Variants in TRIML2 observed in about 807,000 individuals in gnomAD.
The protein encoded by TRIML2 is probable E3 ubiquitin-protein ligase TRIML2.
In TRIML2, 28 loss-of-function variants were observed where a neutral mutation model predicts 31.2. The observed-to-expected ratio is 0.90, with a 90% CI of 0.66 to 1.23. The LOEUF (loss-of-function observed/expected upper bound fraction) is 1.23. TRIML2 is among the 50% of genes most tolerant of loss of function. TRIML2 has a pLI of 0.00. For missense variants in TRIML2, 536 were observed against 528.3 expected (o/e 1.01, Z -0.14); for synonymous variants, 187 against 197.5 (o/e 0.95, Z 0.45).
At chr4:188,094,713 G>A (rs1320346478) in intron 7 of TRIML2, among the ~76,000 whole-genome samples, 2 of 152,154 alleles carry the variant, frequency 1.3e-5, no homozygotes, top group Non-Finnish European at 2.9e-5. Flanking sequence ...TCCCCAAACT[G>A]ATCAACGGAT....
At chr4:188,097,985 G>A (rs1052450553) in intron 5 of TRIML2, among the ~76,000 whole-genome samples, 2 of 152,012 alleles carry the variant, frequency 1.3e-5, no homozygotes, top group African/African-American at 4.8e-5. Context: ...AGCTGGACAT[G>A]GTGGTGGGCG....
chr4:188,103,702 A>C (rs1474623468), intron 3 of TRIML2, among the ~76,000 whole-genome samples: 1 of 152,188 alleles, frequency 6.6e-6, no homozygotes, highest in African/African-American at 2.4e-5. Flanking sequence ...AACATACTAT[A>C]TATTAAACTT....
intron 4 of TRIML2, among the ~76,000 whole-genome samples, chr4:188,099,675 G>C (rs1388653021): frequency 1.3e-5 from 2 of 151,960 alleles, no homozygotes; most frequent in African/African-American, 4.8e-5. Flanking sequence ...GCTGAAGCAG[G>C]ATTCCTCTCA....
rs529693724 is a variant in TRIML2, at chr4:188,104,930, C to A, written c.192G>T (p.Lys64Asn). ...ATGTGTTCAATATTTCCTGGAATAA[C>A]TTCTATAGAGAAAGCACAGAATTCC... Reference protein sequence around the residue: ...GIQEAAENYRKLFQEILNTSR... With the variant: ...GIQEAAENYRNLFQEILNTSR... Residue 64 changes from lysine to asparagine, a missense_variant and splice_region_variant, in exon 3 of 8, where the codon AAG becomes AAT. By Grantham distance (94) the Lys-to-Asn change is moderately conservative (BLOSUM62 0). Transcript: ENST00000682553. The A allele has an allele frequency of 1.7e-5, 27 of 1,612,774 alleles. No individual in the cohort carries two copies. The highest frequency in any genetic ancestry group is 6.7e-5 in the African/African-American group (5 of 75,018).
At chr4:188,093,024 T>C (rs1733336000) in intron 7 of TRIML2, 1 of 361,526 alleles carries the variant, frequency 2.8e-6, no homozygotes, top group Admixed American at 3.6e-5. Context: ...CATAAACAGC[T>C]AAATACCAGT....
intron 7 of TRIML2, among the ~76,000 whole-genome samples, chr4:188,096,794 C>G (rs568194830): frequency 6.6e-6 from 1 of 151,718 alleles, no homozygotes; most frequent in Non-Finnish European, 1.5e-5. Flanking sequence ...GTAGCAGGGA[C>G]TACAGGCACA....
chr4:188,104,188 C>T (rs1454037791), intron 3 of TRIML2, among the ~76,000 whole-genome samples: 2 of 152,140 alleles, frequency 1.3e-5, no homozygotes, highest in Non-Finnish European at 2.9e-5. Flanking sequence ...TCTTTTTGAT[C>T]ATTGCAAATA....
Position 188,099,170 on chromosome 4 carries a change from C to G in TRIML2, c.486G>C (p.Leu162=), listed in dbSNP as rs1276273538. 21 of 1,604,244 alleles carry G rather than the reference C, an allele frequency of 1.3e-5. No homozygotes were observed. The highest frequency in any genetic ancestry group is 1.7e-5 in the Non-Finnish European group (20 of 1,177,034). The change falls in exon 5 of 8, where the codon CTG becomes CTC. Residue 162 remains leucine (L), a synonymous_variant. Transcript: ENST00000682553. ...CCATGTTCTCTCTCCCCACACGGCC[C>G]AGTCTCTGCAGAAGCATTTCTTCGT... is the stretch of plus-strand genomic sequence containing the variant. ...EEMFQEMLQR[L]GRVGRENMEK...
chr4:188,093,030 CCAGTTGGAAAAAA>C, intron 7 of TRIML2: 1 of 358,086 alleles, frequency 2.8e-6, no homozygotes, highest in African/African-American at 2.1e-5. Flanking sequence ...CAGCTAAATA[CCAGTTGGAAAAAA>C]CACAGGAATT....
intron 1 of TRIML2, chr4:188,106,856 G>A (rs62352742): frequency 0.19 from 47,760 of 257,174 alleles, 4,703 homozygotes; most frequent in African/African-American, 0.23. Context: ...CCGCGGGTGC[G>A]GTACCACCGG....
At chr4:188,107,751 C>A (rs1037892775) in intron 1 of TRIML2, among the ~76,000 whole-genome samples, 12 of 152,212 alleles carry the variant, frequency 7.9e-5, no homozygotes, top group African/African-American at 2.9e-4. Flanking sequence ...TATGTTCAAG[C>A]CTCTCTCTCA....
intron 7 of TRIML2, among the ~76,000 whole-genome samples, chr4:188,093,335 T>C (rs556619364): frequency 5.8e-4 from 89 of 152,318 alleles, no homozygotes; most frequent in African/African-American, 2.1e-3. Context: ...ACTCTCAGTA[T>C]TTCCAGGAGA....
intron 7 of TRIML2, among the ~76,000 whole-genome samples, chr4:188,092,226 C>T (rs560260448): frequency 2.6e-4 from 39 of 152,186 alleles, no homozygotes; most frequent in Admixed American, 1.2e-3. Flanking sequence ...CTTCATCCAA[C>T]GTGGCGCGGT....
chr4:188,091,631 G>C lies in TRIML2; in HGVS notation c.1056C>G (p.Leu352=), dbSNP rs1733259897. 1 of 1,614,150 alleles carries C rather than the reference G, an allele frequency of 6.2e-7. No homozygotes were observed. Among genetic ancestry groups the C allele is most frequent in the Non-Finnish European group, 8.5e-7 (1 of 1,179,974 alleles). ...TGSVMGTEWT[L]WVFPPLKRLF... ...GCCTTTTCAGAGGGGGGAAGACCCAGAGAGTCCACTCGGTCCCCATCACCG... is the reference window on the plus strand; with the variant it reads ...GCCTTTTCAGAGGGGGGAAGACCCACAGAGTCCACTCGGTCCCCATCACCG... Residue 352 remains leucine (L), a synonymous_variant, in exon 8 of 8, where the codon CTC becomes CTG. Coordinates refer to ENST00000682553, the MANE Select transcript of TRIML2 (RefSeq NM_173553.4).
At chr4:188,094,788 A>G (rs1733429539) in intron 7 of TRIML2, among the ~76,000 whole-genome samples, 1 of 152,206 alleles carries the variant, frequency 6.6e-6, no homozygotes, top group African/African-American at 2.4e-5. Flanking sequence ...TGATTTCAAA[A>G]TTTATGTGGA....
chr4:188,106,194 CG>C (rs377208890), intron 1 of TRIML2, among the ~76,000 whole-genome samples: 1,394 of 134,128 alleles, frequency 0.01, 26 homozygotes, highest in African/African-American at 0.041. Context: ...GGACTTCAGG[CG>C]CCCGCCACCT....
chr4:188,092,293 C>T (rs915554501), intron 7 of TRIML2, among the ~76,000 whole-genome samples: 1 of 151,968 alleles, frequency 6.6e-6, no homozygotes, highest in African/African-American at 2.4e-5. Flanking sequence ...AACCCCATCT[C>T]TACTAAAAAA....
chr4:188,092,654 A>G lies in TRIML2; in HGVS notation c.746-713T>C, dbSNP rs893273860. Reference sequence around the variant, plus strand: ...TGGCCCTCCCGATGCCGTACTCTACACATCTTAAATATCCCCACAGGGTGA... The same window carrying G: ...TGGCCCTCCCGATGCCGTACTCTACGCATCTTAAATATCCCCACAGGGTGA... On this transcript the variant is annotated intron_variant, in intron 7 of 7. Transcript: ENST00000682553. 7.5e-6 allele frequency: 3 copies of G among 401,736 alleles called. No individual in the cohort carries two copies. The East Asian group carries it at 2.2e-4, about 29-fold the overall frequency. 24.9% of individuals were successfully genotyped at this position (401,736 alleles called of 1,614,324 possible). A position where few individuals can be genotyped will look rare whatever the true frequency, so the allele number is the denominator to read the frequency against.
intron 4 of TRIML2, among the ~76,000 whole-genome samples, chr4:188,099,696 G>T (rs1289456688): frequency 6.6e-6 from 1 of 152,046 alleles, no homozygotes; most frequent in African/African-American, 2.4e-5. Flanking sequence ...AGAGACAGTT[G>T]ATTCTTTGCC....
Sources: allele counts gnomAD v4.1 joint callset (sites outside exome capture counted in the v4.1 genomes callset), GRCh38; gene constraint gnomAD v4.1.1; transcripts MANE v1.5; gene names NCBI Gene and HGNC (gene_info 2026-07-23, HGNC 2026-07-21).